The following CNTNAP5 variants were observed in gnomAD, a reference collection of about 807,000 sequenced individuals.
CNTNAP5 encodes contactin-associated protein-like 5.
Under a neutral mutation model 150.2 loss-of-function variants are expected in CNTNAP5, and 72 were observed. That is an observed-to-expected ratio of 0.48 (90% CI 0.40 to 0.58). The LOEUF is 0.58. Ranked by LOEUF, CNTNAP5 falls within the 20% of genes least tolerant of loss-of-function variation. The probability of loss-of-function intolerance (pLI) is 0.00; values close to 1 mark genes in which losing one functional copy is unlikely to be tolerated. For synonymous variants in CNTNAP5, 672 were observed against 619.8 expected, an observed-to-expected ratio of 1.08 and a Z score of -1.25; for missense variants, 1,636 against 1,626.2, an observed-to-expected ratio of 1.01 and a Z score of -0.10.
chr2:124,607,037 T>C (rs1017881712), intron 11 of CNTNAP5, among the ~76,000 whole-genome samples: 2 of 152,224 alleles, frequency 1.3e-5, no homozygotes, highest in Non-Finnish European at 2.9e-5. Context: ...ATTGTGTCTT[T>C]GAATCCTTAC....
intron 3 of CNTNAP5, among the ~76,000 whole-genome samples, chr2:124,355,653 T>C (rs1689979859): frequency 6.6e-6 from 1 of 152,198 alleles, no homozygotes; most frequent in Non-Finnish European, 1.5e-5. Flanking sequence ...ATTCTCCTAC[T>C]TCTACTTTCA....
At chr2:124,722,498 A>G (rs564482254) in intron 13 of CNTNAP5, among the ~76,000 whole-genome samples, 52 of 152,244 alleles carry the variant, frequency 3.4e-4, no homozygotes, top group African/African-American at 1.2e-3. Context: ...AAATCCTAGT[A>G]TGGCAAATTT....
intron 1 of CNTNAP5, among the ~76,000 whole-genome samples, chr2:124,035,910 CTTTT>C (rs759598012): frequency 2.6e-5 from 2 of 76,528 alleles, no homozygotes; most frequent in Admixed American, 2.1e-4. Flanking sequence ...AGGATGAACT[CTTTT>C]TTTTTTTTTT....
At chr2:124,278,087 A>G (rs780050) in intron 3 of CNTNAP5, among the ~76,000 whole-genome samples, 45,270 of 152,022 alleles carry the variant, frequency 0.3, 7,272 homozygotes, top group Admixed American at 0.38. Flanking sequence ...ATTTTAAGAC[A>G]GAGATGGCAG....
intron 3 of CNTNAP5, among the ~76,000 whole-genome samples, chr2:124,304,999 C>T (rs143034764): frequency 6.6e-6 from 1 of 150,744 alleles, no homozygotes; most frequent in Non-Finnish European, 1.5e-5. Flanking sequence ...CATGTGGTGG[C>T]ACACACCTGT....
intron 2 of CNTNAP5, among the ~76,000 whole-genome samples, chr2:124,224,390 A>G (rs887176016): frequency 1.3e-5 from 2 of 152,070 alleles, no homozygotes; most frequent in Non-Finnish European, 2.9e-5. Flanking sequence ...AACAGCTAAC[A>G]TTTGTCATTA....
intron 3 of CNTNAP5, among the ~76,000 whole-genome samples, chr2:124,388,320 A>T (rs1690985518): frequency 6.6e-6 from 1 of 152,084 alleles, no homozygotes; most frequent in South Asian, 2.1e-4. Flanking sequence ...CAGTGGCAGC[A>T]GTCATTGAAG....
chr2:124,278,490 C>A (rs1312409207), intron 3 of CNTNAP5, among the ~76,000 whole-genome samples: 2 of 152,068 alleles, frequency 1.3e-5, no homozygotes, highest in African/African-American at 4.8e-5. Flanking sequence ...ACTTTCTATC[C>A]ACAATCAAAA....
intron 2 of CNTNAP5, among the ~76,000 whole-genome samples, chr2:124,238,472 G>C (rs1686806548): frequency 6.6e-6 from 1 of 152,070 alleles, no homozygotes; most frequent in Non-Finnish European, 1.5e-5. Flanking sequence ...AAATAACTAA[G>C]ACATAGCCTC....
chr2:124,673,461 G>C (rs1678864219), intron 13 of CNTNAP5, among the ~76,000 whole-genome samples: 1 of 149,622 alleles, frequency 6.7e-6, no homozygotes. Context: ...TTTTTCCCTA[G>C]CTCTCATCTT....
At chr2:124,763,563 C>T (rs1215173768) in intron 14 of CNTNAP5, 109 bp from the exon 15 acceptor site, 14 of 1,012,032 alleles carry the variant, frequency 1.4e-5, no homozygotes, top group Non-Finnish European at 1.9e-5. Flanking sequence ...CTCTCTGCCC[C>T]TACCCTGCTG....
chr2:124,902,966 T>G lies in CNTNAP5; in HGVS notation c.3521T>G (p.Ile1174Arg). ...GCMSSVQYNH[I>R]APLKAALRHA... Reference sequence around the variant, plus strand: ...ATGTCTTCCGTCCAGTACAACCACATAGCACCACTGAAGGCTGCCCTGCGC... The same window carrying G: ...ATGTCTTCCGTCCAGTACAACCACAGAGCACCACTGAAGGCTGCCCTGCGC... The change falls in exon 22 of 24, where the codon ATA becomes AGA. Residue 1174 changes from isoleucine to arginine, a missense_variant. By Grantham distance (97) the Ile-to-Arg change is moderately conservative (BLOSUM62 -3). Transcript: ENST00000682447. 6.2e-7 allele frequency: 1 copy of G among 1,613,166 alleles called. No individual in the cohort carries two copies. The highest frequency in any genetic ancestry group is 2.2e-5 in the East Asian group (1 of 44,682).
chr2:124,453,291 C>T (rs1693034614), intron 6 of CNTNAP5, among the ~76,000 whole-genome samples: 3 of 151,660 alleles, frequency 2.0e-5, no homozygotes, highest in African/African-American at 7.3e-5. Flanking sequence ...CTTCGGAGCT[C>T]AGAGACAAGG....
At chr2:124,407,271 C>G (rs998464336) in intron 3 of CNTNAP5, among the ~76,000 whole-genome samples, 1 of 152,156 alleles carries the variant, frequency 6.6e-6, no homozygotes, top group Non-Finnish European at 1.5e-5. Flanking sequence ...TCAATTTCTT[C>G]TACTTTTGTA....
At chr2:124,832,750 C>T (rs1015698991) in intron 19 of CNTNAP5, among the ~76,000 whole-genome samples, 8 of 151,816 alleles carry the variant, frequency 5.3e-5, no homozygotes, top group African/African-American at 1.5e-4. Context: ...GTAATAATGC[C>T]GTAAACAATG....
At chr2:124,184,736 G>A (rs1300734545) in intron 1 of CNTNAP5, among the ~76,000 whole-genome samples, 1 of 152,166 alleles carries the variant, frequency 6.6e-6, no homozygotes, top group Non-Finnish European at 1.5e-5. Flanking sequence ...GAGACCCAGA[G>A]AGGCACAGCC....
At chr2:124,345,824 T>A (rs1202512642) in intron 3 of CNTNAP5, among the ~76,000 whole-genome samples, 1 of 152,104 alleles carries the variant, frequency 6.6e-6, no homozygotes, top group African/African-American at 2.4e-5. Context: ...CACCCTTCTT[T>A]CCCTCCCTCT....
At chr2:124,622,981 C>T (rs76396877) in intron 12 of CNTNAP5, among the ~76,000 whole-genome samples, 1,585 of 152,182 alleles carry the variant, frequency 0.01, 16 homozygotes, top group Middle Eastern at 0.055. Context: ...TATAAGTGCA[C>T]GAATGAGGCT....
chr2:124,028,405 A>G (rs1012236760), intron 1 of CNTNAP5, among the ~76,000 whole-genome samples: 13 of 152,122 alleles, frequency 8.5e-5, no homozygotes, highest in Non-Finnish European at 1.6e-4. Flanking sequence ...TGCTTGCCCA[A>G]TTATAGATTT....
Sources: allele counts gnomAD v4.1 joint callset (sites outside exome capture counted in the v4.1 genomes callset), GRCh38; gene constraint gnomAD v4.1.1; transcripts MANE v1.5; gene names NCBI Gene and HGNC (gene_info 2026-07-23, HGNC 2026-07-21).